PDLIM5: variants seen among roughly 807,000 people sequenced by gnomAD.
The protein encoded by PDLIM5 is PDZ and LIM domain 5, also known as PDZ and LIM domain protein 5.
In PDLIM5, 34 loss-of-function variants were observed where a neutral mutation model predicts 64.2. The observed-to-expected ratio is 0.53, with a 90% CI of 0.40 to 0.71. PDLIM5 has a LOEUF of 0.71. PDLIM5 is among the 30% of genes least tolerant of loss of function. The pLI is 0.00. For synonymous variants in PDLIM5, 253 were observed against 269.1 expected (o/e 0.94, Z 0.59); for missense variants, 683 against 733.6 (o/e 0.93, Z 0.80).
intron 2 of PDLIM5, chr4:94,457,087 C>A: frequency 1.2e-6 from 1 of 855,572 alleles, no homozygotes; most frequent in Non-Finnish European, 1.4e-6. Context: ...TATACACACA[C>A]ATACTCTGCA....
At chr4:94,575,513 T>C in intron 4 of PDLIM5, 103 bp from the exon 5 acceptor site, 1 of 779,512 alleles carries the variant, frequency 1.3e-6, no homozygotes, top group East Asian at 2.5e-5. Context: ...GCTAACCTGA[T>C]TGTGTTTGTC....
At chr4:94,551,284 C>T (rs1396660130) in intron 3 of PDLIM5, among the ~76,000 whole-genome samples, 1 of 151,974 alleles carries the variant, frequency 6.6e-6, no homozygotes, top group African/African-American at 2.4e-5. Flanking sequence ...CTGTTTAATG[C>T]CAATAGTGCT....
chr4:94,509,007 A>G (rs2110099780), intron 2 of PDLIM5, among the ~76,000 whole-genome samples: 1 of 152,232 alleles, frequency 6.6e-6, no homozygotes, highest in South Asian at 2.1e-4. Flanking sequence ...GTTTCTGCAA[A>G]TTCCAAACCA....
At chr4:94,531,680 C>G (rs1730882419) in intron 3 of PDLIM5, among the ~76,000 whole-genome samples, 1 of 152,154 alleles carries the variant, frequency 6.6e-6, no homozygotes, top group Admixed American at 6.5e-5. Flanking sequence ...AAACTCAGAT[C>G]AGTTCATAGC....
At chr4:94,547,625 T>C (rs2110201427) in intron 3 of PDLIM5, among the ~76,000 whole-genome samples, 1 of 152,318 alleles carries the variant, frequency 6.6e-6, no homozygotes, top group East Asian at 1.9e-4. Flanking sequence ...GACAGGGACA[T>C]CTTTGGGAAG....
Position 94,643,273 on chromosome 4 carries a change from T to C in PDLIM5, c.1283+2823T>C, listed in dbSNP as rs1370169989. On this transcript the variant is annotated intron_variant, in intron 9 of 12. Transcript: ENST00000317968. ...AAATTGTATTATGGAGACATTACTT[T>C]GACTAGCTACGAATGAATAGGAAGT... Among the ~76,000 whole-genome samples, 4 of 152,218 alleles carry C rather than the reference T, an allele frequency of 2.6e-5. No homozygotes were observed. In the East Asian group the frequency reaches 5.8e-4, roughly 22 times the overall value.
chr4:94,628,764 G>A (rs906292347), intron 8 of PDLIM5, among the ~76,000 whole-genome samples: 2 of 152,170 alleles, frequency 1.3e-5, no homozygotes, highest in South Asian at 2.1e-4. Context: ...TGATTTTAAT[G>A]TATGTCCTTA....
At chr4:94,478,923 A>C in intron 2 of PDLIM5, among the ~76,000 whole-genome samples, 1 of 116,330 alleles carries the variant, frequency 8.6e-6, no homozygotes, top group African/African-American at 4.2e-5. Context: ...TTTTTAAGAC[A>C]GGGTCTTGCT....
intron 3 of PDLIM5, among the ~76,000 whole-genome samples, chr4:94,526,241 G>A (rs2162346): frequency 0.37 from 56,760 of 152,022 alleles, 11,784 homozygotes; most frequent in African/African-American, 0.57. Context: ...CCCCATAAGA[G>A]TAGATAAAAA....
intron 2 of PDLIM5, among the ~76,000 whole-genome samples, chr4:94,480,538 G>A (rs554145001): frequency 3.3e-5 from 5 of 152,328 alleles, no homozygotes; most frequent in African/African-American, 1.2e-4. Flanking sequence ...CCAACTGTGG[G>A]TCTGTCTGGC....
intron 3 of PDLIM5, among the ~76,000 whole-genome samples, chr4:94,551,633 C>T (rs1489808986): frequency 6.6e-6 from 1 of 152,092 alleles, no homozygotes; most frequent in Non-Finnish European, 1.5e-5. Context: ...AAGAAGGAGT[C>T]ACTTTTTATT....
chr4:94,597,690 C>G (rs769387612), intron 7 of PDLIM5, among the ~76,000 whole-genome samples: 3 of 152,072 alleles, frequency 2.0e-5, no homozygotes, highest in Non-Finnish European at 2.9e-5. Flanking sequence ...AGATGAGATT[C>G]ACTGAGTACT....
intron 2 of PDLIM5, chr4:94,455,828 T>A: frequency 6.8e-7 from 1 of 1,460,218 alleles, no homozygotes; most frequent in Non-Finnish European, 9.3e-7. Context: ...GCTCACTTTC[T>A]GGTGGAGGTG....
chr4:94,638,507 C>T (rs1056583472), intron 8 of PDLIM5, among the ~76,000 whole-genome samples: 1 of 152,162 alleles, frequency 6.6e-6, no homozygotes, highest in Non-Finnish European at 1.5e-5. Flanking sequence ...TTATTGCAAA[C>T]AGGCTTTATT....
chr4:94,590,057 A>G (rs536398702), intron 7 of PDLIM5, among the ~76,000 whole-genome samples: 47 of 152,060 alleles, frequency 3.1e-4, no homozygotes, highest in Admixed American at 7.9e-4. Context: ...GGGATTACAG[A>G]TGTGAGCCAC....
At chr4:94,558,859 T>A (rs1733600066) in intron 3 of PDLIM5, among the ~76,000 whole-genome samples, 2 of 152,096 alleles carry the variant, frequency 1.3e-5, no homozygotes, top group Non-Finnish European at 2.9e-5. Flanking sequence ...TAATCATAAC[T>A]AAGTTATGTA....
At chr4:94,470,521 A>G (rs1003288856) in intron 2 of PDLIM5, among the ~76,000 whole-genome samples, 1 of 152,342 alleles carries the variant, frequency 6.6e-6, no homozygotes, top group East Asian at 1.9e-4. Context: ...TAAAAAGAAT[A>G]TTTTAGCCAA....
intron 2 of PDLIM5, among the ~76,000 whole-genome samples, chr4:94,481,853 C>T (rs905413539): frequency 2.0e-5 from 3 of 151,968 alleles, no homozygotes; most frequent in African/African-American, 7.3e-5. Context: ...TCGTTATCCA[C>T]CCACCTTGGC....
chr4:94,463,697 G>T (rs557006207), intron 2 of PDLIM5, among the ~76,000 whole-genome samples: 1 of 152,280 alleles, frequency 6.6e-6, no homozygotes, highest in East Asian at 1.9e-4. Flanking sequence ...AAGTAGACCC[G>T]TGCAGTTCAA....
Sources: allele counts gnomAD v4.1 joint callset (sites outside exome capture counted in the v4.1 genomes callset), GRCh38; gene constraint gnomAD v4.1.1; transcripts MANE v1.5; gene names NCBI Gene and HGNC (gene_info 2026-07-23, HGNC 2026-07-21).